Variants in NAALADL2 observed in about 807,000 individuals in gnomAD.
NAALADL2 encodes the protein inactive N-acetylated-alpha-linked acidic dipeptidase-like protein 2.
Under a neutral mutation model 87.2 loss-of-function variants are expected in NAALADL2, and 76 were observed. The observed-to-expected ratio is 0.87, with a 90% CI of 0.72 to 1.05. The LOEUF is 1.05. NAALADL2 is among the 50% of genes least tolerant of loss of function. The probability of loss-of-function intolerance (pLI) is 0.00; values close to 1 mark genes in which losing one functional copy is unlikely to be tolerated. For synonymous variants in NAALADL2, 354 were observed against 331.0 expected (o/e 1.07, Z -0.75); for missense variants, 1,089 against 945.8 (o/e 1.15, Z -1.99).
intron 4 of NAALADL2, among the ~76,000 whole-genome samples, chr3:175,264,990 A>G (rs147353212): frequency 2.4e-3 from 364 of 151,756 alleles, no homozygotes; most frequent in African/African-American, 8.5e-3. Context: ...GAAATAATAT[A>G]ATACATGTAA....
Position 174,573,435 on chromosome 3 carries a change from A to G in NAALADL2, c.-115+22798A>G, listed in dbSNP as rs113045591. ...GGTGTCCACCATCACACCTGGCCAAAATTTGCTGATCGCATGGTGTAAATA... is the reference window on the plus strand; with the variant it reads ...GGTGTCCACCATCACACCTGGCCAAGATTTGCTGATCGCATGGTGTAAATA... On this transcript the variant is annotated intron_variant, in intron 2 of 3. Coordinates refer to the NAALADL2 transcript ENST00000434257. 9.5e-4 allele frequency among the ~76,000 whole-genome samples: 145 copies of G among 152,174 alleles called. 1 individual carries two copies. Among genetic ancestry groups the G allele is most frequent in the African/African-American group, 3.3e-3 (137 of 41,520 alleles).
At chr3:174,856,031 G>A (rs1054542307), upstream of NAALADL2, among the ~76,000 whole-genome samples, 11 of 150,922 alleles carry the variant, frequency 7.3e-5, no homozygotes, top group South Asian at 8.4e-4. Flanking sequence ...GAGAGAGACA[G>A]GTTCTCAGTC....
intron 11 of NAALADL2, among the ~76,000 whole-genome samples, chr3:175,696,012 C>T (rs1267350114): frequency 6.6e-6 from 1 of 152,072 alleles, no homozygotes; most frequent in Non-Finnish European, 1.5e-5. Context: ...ATTCCTTGAT[C>T]TTGATCTTTG....
At chr3:175,703,163 T>A (rs1276999953) in intron 11 of NAALADL2, among the ~76,000 whole-genome samples, 1 of 152,196 alleles carries the variant, frequency 6.6e-6, no homozygotes, top group Non-Finnish European at 1.5e-5. Context: ...ATTTCTCTCA[T>A]AAATAACTCT....
chr3:175,747,489 A>T (rs1421253775), intron 12 of NAALADL2, among the ~76,000 whole-genome samples: 1 of 152,202 alleles, frequency 6.6e-6, no homozygotes, highest in Non-Finnish European at 1.5e-5. Context: ...ATGACAGAAT[A>T]GTACCATAAC....
chr3:175,042,205 A>G (rs1754154157), intron 1 of NAALADL2, among the ~76,000 whole-genome samples: 1 of 152,128 alleles, frequency 6.6e-6, no homozygotes, highest in South Asian at 2.1e-4. Flanking sequence ...TTCACTTAAT[A>G]TCATGTCCTC....
intron 1 of NAALADL2, among the ~76,000 whole-genome samples, chr3:174,537,079 A>G (rs563294863): frequency 2.0e-5 from 3 of 152,172 alleles, no homozygotes; most frequent in Non-Finnish European, 4.4e-5. Context: ...TGTTGCCATC[A>G]CTATAAACCA....
At chr3:175,529,974 A>G (rs1283642798) in intron 9 of NAALADL2, among the ~76,000 whole-genome samples, 1 of 152,174 alleles carries the variant, frequency 6.6e-6, no homozygotes, top group Non-Finnish European at 1.5e-5. Flanking sequence ...GAATGGTGCC[A>G]TATCGAGGGC....
chr3:174,877,781 T>C (rs1018349621), intron 1 of NAALADL2, among the ~76,000 whole-genome samples: 1 of 152,106 alleles, frequency 6.6e-6, no homozygotes, highest in African/African-American at 2.4e-5. Context: ...CAAACGACTT[T>C]ATTTAGCTGA....
chr3:174,627,498 G>C (rs1417448490), intron 2 of NAALADL2, among the ~76,000 whole-genome samples: 5 of 152,234 alleles, frequency 3.3e-5, no homozygotes, highest in Non-Finnish European at 7.3e-5. Context: ...ATGTAAATTA[G>C]TACAACATCT....
intron 3 of NAALADL2, among the ~76,000 whole-genome samples, chr3:174,829,406 G>A (rs11915734): frequency 0.14 from 20,847 of 144,446 alleles, 1,684 homozygotes; most frequent in African/African-American, 0.23. Context: ...GAGAATGATG[G>A]TTTCCAATTT....
chr3:175,622,464 G>T (rs995938398), intron 10 of NAALADL2, among the ~76,000 whole-genome samples: 23 of 152,038 alleles, frequency 1.5e-4, no homozygotes, highest in African/African-American at 5.3e-4. Context: ...TTTTTGTTTT[G>T]CAATTTCTAT....
Position 175,327,379 on chromosome 3 carries a change from T to C in NAALADL2, c.1090+3054T>C, listed in dbSNP as rs112471436. On this transcript the variant is annotated intron_variant, in intron 5 of 13. Transcript: ENST00000454872. ...ACCATGTTAGCCATAATAGTCTCGA[T>C]CTCTTGACCTCGTGATCCGCCCACC... Among the ~76,000 whole-genome samples, 781 of 152,224 alleles carry C rather than the reference T, an allele frequency of 5.1e-3. 2 individuals carry two copies. The highest frequency in any genetic ancestry group is 7.3e-3 in the Non-Finnish European group (495 of 68,016).
intron 1 of NAALADL2, among the ~76,000 whole-genome samples, chr3:174,939,711 A>G (rs1738268210): frequency 6.6e-6 from 1 of 151,784 alleles, no homozygotes; most frequent in Non-Finnish European, 1.5e-5. Flanking sequence ...CTTATTGTAG[A>G]GATCTTTTAC....
intron 9 of NAALADL2, among the ~76,000 whole-genome samples, chr3:175,553,100 A>G (rs1263859923): frequency 6.6e-6 from 1 of 152,204 alleles, no homozygotes; most frequent in African/African-American, 2.4e-5. Context: ...GTTTATGCTT[A>G]TAGCTCAGTG....
intron 6 of NAALADL2, among the ~76,000 whole-genome samples, chr3:175,452,386 C>CT (rs1366583543): frequency 2.0e-5 from 3 of 152,010 alleles, no homozygotes; most frequent in Non-Finnish European, 4.4e-5. Flanking sequence ...CATAACAAAA[C>CT]TAAGTATTTT....
At chr3:174,731,076 C>A (rs1222982251) in intron 2 of NAALADL2, among the ~76,000 whole-genome samples, 2 of 151,978 alleles carry the variant, frequency 1.3e-5, no homozygotes, top group African/African-American at 4.8e-5. Flanking sequence ...ATTCCTATTT[C>A]TACCCGCACA....
At chr3:175,122,584 T>C (rs1726316317) in intron 2 of NAALADL2, among the ~76,000 whole-genome samples, 1 of 151,776 alleles carries the variant, frequency 6.6e-6, no homozygotes, top group South Asian at 2.1e-4. Flanking sequence ...TTAGAATTTA[T>C]CATCTAGTAT....
intron 2 of NAALADL2, among the ~76,000 whole-genome samples, chr3:175,106,755 C>T (rs1443040648): frequency 1.3e-5 from 2 of 151,954 alleles, no homozygotes; most frequent in Non-Finnish European, 2.9e-5. Context: ...AGACGTGGTC[C>T]TTTGAAATTT....
Sources: gnomAD v4.1 joint callset for allele counts (sites outside exome capture counted in the v4.1 genomes callset) on GRCh38, gnomAD v4.1.1 for gene constraint, MANE v1.5 for transcripts, NCBI Gene and HGNC (gene_info 2026-07-23, HGNC 2026-07-21) for gene names.